Variants in TNFRSF19 observed in about 807,000 individuals in gnomAD.
TNFRSF19 encodes tumor necrosis factor receptor superfamily member 19.
Under a neutral mutation model 46.4 loss-of-function variants are expected in TNFRSF19, and 27 were observed. That is an observed-to-expected ratio of 0.58 (90% CI 0.43 to 0.80). TNFRSF19 has a LOEUF of 0.80. Among genes scored for constraint, TNFRSF19 ranks in the 30% least tolerant of loss-of-function variants. The probability of loss-of-function intolerance (pLI) is 0.00; values close to 1 mark genes in which losing one functional copy is unlikely to be tolerated. For missense variants in TNFRSF19, 511 were observed against 530.8 expected (o/e 0.96, Z 0.37); for synonymous variants, 204 against 205.0 (o/e 1.00, Z 0.04).
intron 1 of TNFRSF19, among the ~76,000 whole-genome samples, chr13:23,576,796 T>C (rs77907031): frequency 1.3e-5 from 2 of 152,206 alleles, no homozygotes; most frequent in African/African-American, 2.4e-5. Flanking sequence ...TTTTTTCAAA[T>C]ATTTTCAATC....
At chr13:23,624,870 C>T (rs1014323632) in intron 4 of TNFRSF19, among the ~76,000 whole-genome samples, 1 of 151,900 alleles carries the variant, frequency 6.6e-6, no homozygotes, top group African/African-American at 2.4e-5. Context: ...CCTGCCTCAG[C>T]CTCCTGAATA....
chr13:23,611,126 GCACACACACA>G (rs34837771), intron 3 of TNFRSF19, among the ~76,000 whole-genome samples: 1 of 147,666 alleles, frequency 6.8e-6, no homozygotes, highest in Admixed American at 6.7e-5. Context: ...ACACACATGT[GCACACACACA>G]CACACACACA....
intron 9 of TNFRSF19, among the ~76,000 whole-genome samples, chr13:23,672,836 G>C (rs533860656): frequency 5.6e-4 from 86 of 152,334 alleles, no homozygotes; most frequent in African/African-American, 1.9e-3. Flanking sequence ...AGGACTGTGA[G>C]TATGCTAGGG....
chr13:23,579,191 G>C (rs1486044150), intron 1 of TNFRSF19, among the ~76,000 whole-genome samples: 3 of 152,220 alleles, frequency 2.0e-5, no homozygotes, highest in Non-Finnish European at 2.9e-5. Context: ...CGCGGAGTGG[G>C]GGCCTCCAAA....
intron 1 of TNFRSF19, among the ~76,000 whole-genome samples, chr13:23,576,793 A>G (rs776546362): frequency 6.6e-6 from 1 of 152,194 alleles, no homozygotes; most frequent in Non-Finnish European, 1.5e-5. Context: ...ATTTTTTTTC[A>G]AATATTTTCA....
intron 5 of TNFRSF19, among the ~76,000 whole-genome samples, chr13:23,652,917 T>C (rs1356430855): frequency 6.6e-6 from 1 of 152,222 alleles, no homozygotes; most frequent in Non-Finnish European, 1.5e-5. Context: ...CAAGCAAAAC[T>C]CCCTGTCCTT....
chr13:23,673,230 T>C, intron 9 of TNFRSF19, 142 bp from the exon 10 acceptor site: 1 of 809,778 alleles, frequency 1.2e-6, no homozygotes, highest in Non-Finnish European at 1.8e-6. Context: ...TACTATTGAA[T>C]GAGTTTCTTG....
At position 23,618,174 on chromosome 13, in the gene TNFRSF19, G is replaced by A. The variant is rs1372408711; in HGVS notation, c.359+2129G>A. Among the ~76,000 whole-genome samples, 3 of 152,024 alleles carry A rather than the reference G, an allele frequency of 2.0e-5. No homozygotes were observed. In the East Asian group the frequency reaches 5.8e-4, roughly 29 times the overall value. On this transcript the variant is annotated intron_variant, in intron 4 of 9. Coordinates refer to ENST00000248484, the MANE Select transcript of TNFRSF19 (RefSeq NM_148957.4). ...AAAATTTTAAACTTTGTACTTCAAA[G>A]GAAATCCTTTGAAGTACAAAACACA...
At chr13:23,622,051 C>T (rs760293675) in intron 4 of TNFRSF19, among the ~76,000 whole-genome samples, 5 of 152,124 alleles carry the variant, frequency 3.3e-5, no homozygotes, top group African/African-American at 9.7e-5. Context: ...AGTAGTCACA[C>T]GGGAGCCCCA....
chr13:23,645,465 G>A (rs4770471), intron 5 of TNFRSF19, among the ~76,000 whole-genome samples: 38,197 of 152,106 alleles, frequency 0.25, 5,173 homozygotes, highest in Middle Eastern at 0.37. Flanking sequence ...GCCTCCCAAA[G>A]TGCTGGGATT....
chr13:23,651,866 T>A (rs1280529234), intron 5 of TNFRSF19, among the ~76,000 whole-genome samples: 17 of 36,878 alleles, frequency 4.6e-4, no homozygotes, highest in Non-Finnish European at 7.7e-4. Flanking sequence ...TTTTTTACTC[T>A]AAATGGTTGG....
chr13:23,603,613 C>T (rs1287582729), intron 3 of TNFRSF19, among the ~76,000 whole-genome samples: 1 of 151,966 alleles, frequency 6.6e-6, no homozygotes, highest in Non-Finnish European at 1.5e-5. Flanking sequence ...AAAAAAATCA[C>T]ACACTGTGAC....
chr13:23,594,251 A>G (rs776734109), intron 3 of TNFRSF19: 23 of 452,886 alleles, frequency 5.1e-5, no homozygotes, highest in South Asian at 3.6e-4. Context: ...CCAGCGAGAC[A>G]GAACCATTCA....
rs988460611 is a variant in TNFRSF19, at chr13:23,673,701, A to G, written c.*321A>G. On this transcript the variant is annotated 3_prime_UTR_variant, in exon 10 of 10. Transcript: ENST00000248484. ...GCTGGCAGCCTATGAGATTGTGGAC[A>G]TATAACAAGAAACAGAAATGCCCTC... 1.4e-5 allele frequency: 6 copies of G among 436,634 alleles called. No individual in the cohort carries two copies. The highest frequency in any genetic ancestry group is 9.9e-5 in the East Asian group (2 of 20,150). The allele number at this position is 436,634 out of a possible 1,614,324, so 27.0% of individuals were successfully genotyped here. A position where few individuals can be genotyped will look rare whatever the true frequency, so the allele number is the denominator to read the frequency against.
intron 1 of TNFRSF19, among the ~76,000 whole-genome samples, chr13:23,571,852 A>G (rs1433660247): frequency 6.6e-6 from 1 of 151,642 alleles, no homozygotes; most frequent in African/African-American, 2.4e-5. Flanking sequence ...GAAAAGTAAC[A>G]CTGTTACTTT....
intron 3 of TNFRSF19, among the ~76,000 whole-genome samples, chr13:23,612,351 C>G (rs1566184033): frequency 2.0e-5 from 3 of 152,124 alleles, no homozygotes. Flanking sequence ...TCAAAGCAGA[C>G]ATTTATATTG....
At chr13:23,571,474 T>C (rs1335590620) in intron 1 of TNFRSF19, among the ~76,000 whole-genome samples, 2 of 152,216 alleles carry the variant, frequency 1.3e-5, no homozygotes, top group Non-Finnish European at 2.9e-5. Context: ...TAAGTTTGGC[T>C]AAAAATACTC....
At chr13:23,593,164 T>C (rs1321257550) in intron 2 of TNFRSF19, among the ~76,000 whole-genome samples, 181 bp from the exon 3 acceptor site, 3 of 152,180 alleles carry the variant, frequency 2.0e-5, no homozygotes, top group African/African-American at 4.8e-5. Context: ...CTTATTGATT[T>C]AGTTGTTCCA....
chr13:23,594,208 T>G (rs1879527739), intron 3 of TNFRSF19: 1 of 439,328 alleles, frequency 2.3e-6, no homozygotes, highest in African/African-American at 2.0e-5. Flanking sequence ...GCTGCAGGAG[T>G]TTTTTTTTCA....
Sources: allele counts gnomAD v4.1 joint callset (sites outside exome capture counted in the v4.1 genomes callset), GRCh38; gene constraint gnomAD v4.1.1; transcripts MANE v1.5; gene names NCBI Gene and HGNC (gene_info 2026-07-23, HGNC 2026-07-21).